MEI4: variants seen among roughly 807,000 people sequenced by gnomAD.
MEI4 encodes the protein meiotic double-stranded break formation protein 4, also known as meiosis-specific protein MEI4.
MEI4 carries 27 observed loss-of-function variants against 31.4 expected under a neutral mutation model. That is an observed-to-expected ratio of 0.86 (90% CI 0.63 to 1.19). MEI4 has a LOEUF of 1.19. Among genes scored for constraint, MEI4 ranks in the 50% most tolerant of loss-of-function variants. The pLI, the probability that MEI4 is intolerant of heterozygous loss-of-function variation, is 0.00. For missense variants in MEI4, 329 were observed against 398.9 expected, an observed-to-expected ratio of 0.82 and a Z score of 1.49; for synonymous variants, 122 against 145.4, an observed-to-expected ratio of 0.84 and a Z score of 1.16.
chr6:77,808,816 C>T (rs985335635), intron 3 of MEI4, among the ~76,000 whole-genome samples: 4 of 152,168 alleles, frequency 2.6e-5, no homozygotes, highest in Admixed American at 2.0e-4. Context: ...TCAGTAGGCT[C>T]ACTGACACCC....
intron 2 of MEI4, among the ~76,000 whole-genome samples, chr6:77,739,109 C>T (rs1182612773): frequency 1.3e-5 from 2 of 152,100 alleles, no homozygotes; most frequent in African/African-American, 4.8e-5. Context: ...TCAATTTTGG[C>T]TTTTGTTGCA....
chr6:77,681,108 G>A lies in MEI4; in HGVS notation c.-14-9550G>A, dbSNP rs9448137. 7.0e-3 allele frequency among the ~76,000 whole-genome samples: 1,059 copies of A among 152,206 alleles called. 13 individuals carry two copies. The highest frequency in any genetic ancestry group is 0.024 in the African/African-American group (1,000 of 41,520). On this transcript the variant is annotated intron_variant, in intron 1 of 4. Transcript: ENST00000684080. ...AATCTCCTCTTTGCCTTGAAGCTGAGGCCCTGGCTCAGCTGGTCCTGAAAA... is the reference window on the plus strand; with the variant it reads ...AATCTCCTCTTTGCCTTGAAGCTGAAGCCCTGGCTCAGCTGGTCCTGAAAA...
intron 4 of MEI4, among the ~76,000 whole-genome samples, chr6:77,857,317 A>G (rs1228853673): frequency 1.3e-5 from 2 of 152,308 alleles, no homozygotes; most frequent in African/African-American, 4.8e-5. Flanking sequence ...AAATAGTTGA[A>G]GCAGTGGGAA....
At chr6:77,729,957 A>T (rs891141876) in intron 2 of MEI4, among the ~76,000 whole-genome samples, 3 of 152,164 alleles carry the variant, frequency 2.0e-5, no homozygotes, top group Non-Finnish European at 4.4e-5. Flanking sequence ...AGAACAACTC[A>T]GTCTAAAGGT....
At chr6:77,728,496 G>C (rs73759418) in intron 2 of MEI4, among the ~76,000 whole-genome samples, 2 of 152,144 alleles carry the variant, frequency 1.3e-5, no homozygotes, top group Non-Finnish European at 2.9e-5. Context: ...CAAGACAAAA[G>C]TAATACAATT....
At chr6:77,779,766 TAGAAAC>T (rs1768546771) in intron 3 of MEI4, among the ~76,000 whole-genome samples, 1 of 152,162 alleles carries the variant, frequency 6.6e-6, no homozygotes, top group Admixed American at 6.5e-5. Context: ...TGGAAACTCT[TAGAAAC>T]AGACAGCAGA....
Position 77,730,610 on chromosome 6 carries a change from T to G in MEI4, c.233-30520T>G, listed in dbSNP as rs144426968. On this transcript the variant is annotated intron_variant, in intron 2 of 4. Coordinates refer to ENST00000684080, the MANE Select transcript of MEI4 (RefSeq NM_001322247.2). ...TATTTTTTTTAGTCTTATATATTATTTATTTATTTATTTACTTTTATTTAT... is the reference window on the plus strand; with the variant it reads ...TATTTTTTTTAGTCTTATATATTATGTATTTATTTATTTACTTTTATTTAT... Among the ~76,000 whole-genome samples the G allele has an allele frequency of 1.7e-3, 213 of 125,410 alleles. 1 individual carries two copies. The highest frequency in any genetic ancestry group is 4.8e-3 in the African/African-American group (187 of 39,362). The allele number at this position is 125,410 out of a possible 152,430, so 82.3% of individuals were successfully genotyped here.
At chr6:77,678,843 A>G (rs1023450282) in intron 1 of MEI4, among the ~76,000 whole-genome samples, 2 of 152,180 alleles carry the variant, frequency 1.3e-5, no homozygotes, top group Admixed American at 1.3e-4. Flanking sequence ...CCGGTGGGAC[A>G]AGATGTGGAG....
At position 77,820,049 on chromosome 6, in the gene MEI4, A is replaced by T. The variant is rs866596621; in HGVS notation, c.769-8882A>T. Among the ~76,000 whole-genome samples the T allele has an allele frequency of 5.3e-5, 8 of 151,608 alleles. No individual in the cohort carries two copies. Among genetic ancestry groups the T allele is most frequent in the African/African-American group, 1.9e-4 (8 of 41,320 alleles). On this transcript the variant is annotated intron_variant, in intron 3 of 4. Transcript: ENST00000684080. The surrounding 1 kb of genome is among the most constrained non-coding windows in gnomAD (Gnocchi z 4.5). ...TAAGCTTTCTGAGGACCTAAATCTT[A>T]TTTTTTTCTGAATGGTTTTCCTTCT...
intron 4 of MEI4, among the ~76,000 whole-genome samples, chr6:77,865,068 A>G (rs1465936678): frequency 2.0e-5 from 3 of 152,254 alleles, no homozygotes; most frequent in Admixed American, 6.5e-5. Flanking sequence ...AATCTCTAGG[A>G]CACATTCAAA....
intron 2 of MEI4, among the ~76,000 whole-genome samples, chr6:77,734,151 G>T (rs534575800): frequency 0.021 from 3,123 of 151,942 alleles, 138 homozygotes; most frequent in African/African-American, 0.071. Context: ...GGTCCGCTTG[G>T]TGCAGAGCTG....
intron 3 of MEI4, among the ~76,000 whole-genome samples, chr6:77,811,485 C>T (rs77353973): frequency 0.016 from 2,399 of 152,028 alleles, 68 homozygotes; most frequent in African/African-American, 0.054. Context: ...TGAAATAAGC[C>T]ATGTTAGAAG....
intron 4 of MEI4, among the ~76,000 whole-genome samples, chr6:77,922,234 T>TTTTC (rs1766719643): frequency 6.6e-6 from 1 of 151,448 alleles, no homozygotes. Flanking sequence ...CCCAAAGGAG[T>TTTTC]TTTCTTTTTT....
chr6:77,676,400 G>A (rs954283960), intron 1 of MEI4, among the ~76,000 whole-genome samples: 5 of 152,010 alleles, frequency 3.3e-5, no homozygotes, highest in East Asian at 1.9e-4. Context: ...GGTGGTGCAC[G>A]CCTGTAGTTC....
intron 2 of MEI4, among the ~76,000 whole-genome samples, chr6:77,760,195 T>C (rs1768009393): frequency 6.6e-6 from 1 of 152,116 alleles, no homozygotes; most frequent in African/African-American, 2.4e-5. Context: ...CATGTGTACA[T>C]ACACAGGTAC....
intron 3 of MEI4, among the ~76,000 whole-genome samples, chr6:77,798,132 TATA>T (rs1360971783): frequency 6.6e-6 from 1 of 151,968 alleles, no homozygotes; most frequent in African/African-American, 2.4e-5. Flanking sequence ...TTAAGATTCA[TATA>T]ATAATGCAAC....
At chr6:77,742,011 G>A (rs986080549) in intron 2 of MEI4, among the ~76,000 whole-genome samples, 13 of 151,804 alleles carry the variant, frequency 8.6e-5, no homozygotes, top group African/African-American at 2.9e-4. Flanking sequence ...TCTTGATCCA[G>A]TCTATCATTG....
intron 1 of MEI4, among the ~76,000 whole-genome samples, chr6:77,682,153 GA>G (rs1385349328): frequency 6.6e-6 from 1 of 152,116 alleles, no homozygotes; most frequent in Non-Finnish European, 1.5e-5. Flanking sequence ...CCCACACCGG[GA>G]TTTGATAAAT....
chr6:77,831,507 TTATA>T (rs71546073), intron 4 of MEI4, among the ~76,000 whole-genome samples: 1 of 147,462 alleles, frequency 6.8e-6, no homozygotes, highest in Non-Finnish European at 1.5e-5. Flanking sequence ...AAAGATAATT[TTATA>T]TATATATATA....
Sources: allele counts gnomAD v4.1 joint callset (sites outside exome capture counted in the v4.1 genomes callset), GRCh38; gene constraint gnomAD v4.1.1; non-coding constraint Gnocchi (gnomAD v3.1); transcripts MANE v1.5; gene names NCBI Gene and HGNC (gene_info 2026-07-23, HGNC 2026-07-21).